RNF130: variants seen among roughly 807,000 people sequenced by gnomAD.
RNF130 encodes the protein E3 ubiquitin-protein ligase RNF130.
A neutral mutation model predicts 44.6 loss-of-function variants in RNF130; 21 were observed. That is an observed-to-expected ratio of 0.47 (90% CI 0.33 to 0.68). The LOEUF (loss-of-function observed/expected upper bound fraction) is 0.68, where lower values mean the gene tolerates loss of function less well. Ranked by LOEUF, RNF130 falls within the 30% of genes least tolerant of loss-of-function variation. RNF130 has a pLI of 0.02. For missense variants in RNF130, 479 were observed against 560.6 expected, an observed-to-expected ratio of 0.85 and a Z score of 1.47; for synonymous variants, 214 against 210.4, an observed-to-expected ratio of 1.02 and a Z score of -0.15.
At chr5:179,999,166 T>C (rs2113053609) in intron 3 of RNF130, among the ~76,000 whole-genome samples, 1 of 151,490 alleles carries the variant, frequency 6.6e-6, no homozygotes, top group South Asian at 2.1e-4. Flanking sequence ...GGATTACAGG[T>C]GTGTATCACC....
intron 3 of RNF130, among the ~76,000 whole-genome samples, chr5:180,007,184 T>C (rs1239967851): frequency 4.6e-5 from 7 of 152,096 alleles, no homozygotes; most frequent in Non-Finnish European, 8.8e-5. Flanking sequence ...GAGGATCACA[T>C]GAGGTAAGGA....
At chr5:179,918,785 C>T (rs1283879346) in exon 8 of RNF130, 3 of 152,186 alleles carry the variant, frequency 2.0e-5, no homozygotes, top group African/African-American at 4.8e-5. Context: ...AACGAAATGC[C>T]GCTGCCCGCT....
intron 3 of RNF130, among the ~76,000 whole-genome samples, chr5:179,992,546 C>T (rs1763109196): frequency 1.3e-5 from 2 of 152,170 alleles, no homozygotes; most frequent in African/African-American, 2.4e-5. Flanking sequence ...TCTTACTTGA[C>T]ATTTTGAGGA....
At chr5:179,983,306 T>G (rs1370048801) in intron 3 of RNF130, among the ~76,000 whole-genome samples, 1 of 152,044 alleles carries the variant, frequency 6.6e-6, no homozygotes, top group African/African-American at 2.4e-5. Flanking sequence ...CTGACTCATT[T>G]TGTGTATTCT....
At chr5:179,928,001 G>A (rs1167409663) in intron 7 of RNF130, among the ~76,000 whole-genome samples, 2 of 152,030 alleles carry the variant, frequency 1.3e-5, no homozygotes, top group East Asian at 1.9e-4. Context: ...ACATCCATCC[G>A]CCTCAGGGAA....
intron 3 of RNF130, among the ~76,000 whole-genome samples, chr5:179,988,481 G>A (rs2113024820): frequency 6.6e-6 from 1 of 152,252 alleles, no homozygotes; most frequent in South Asian, 2.1e-4. Context: ...TCCTTGAGGT[G>A]CATAACTGGG....
intron 1 of RNF130, among the ~76,000 whole-genome samples, chr5:180,051,625 C>T (rs1225161432): frequency 6.6e-6 from 1 of 152,178 alleles, no homozygotes; most frequent in Non-Finnish European, 1.5e-5. Context: ...CAGGAATGTC[C>T]TAACAGTGGA....
At chr5:180,067,964 T>G (rs559649343) in intron 1 of RNF130, among the ~76,000 whole-genome samples, 33 of 152,352 alleles carry the variant, frequency 2.2e-4, no homozygotes, top group Admixed American at 1.4e-3. Flanking sequence ...CATGAAAACC[T>G]AAGATTCACT....
intron 7 of RNF130, among the ~76,000 whole-genome samples, chr5:179,927,081 C>T (rs1761718067): frequency 6.6e-6 from 1 of 152,136 alleles, no homozygotes; most frequent in Non-Finnish European, 1.5e-5. Context: ...TGGAAATGAC[C>T]GAATCTTTTT....
intron 7 of RNF130, 34 bp downstream of exon 7, chr5:179,966,772 C>T: frequency 1.3e-6 from 2 of 1,590,664 alleles, no homozygotes; most frequent in South Asian, 2.3e-5. Context: ...TAGGCAGCCA[C>T]ATGCCCTGTG....
At chr5:180,046,605 G>T (rs572390373) in intron 1 of RNF130, among the ~76,000 whole-genome samples, 2 of 152,294 alleles carry the variant, frequency 1.3e-5, no homozygotes, top group East Asian at 3.9e-4. Flanking sequence ...ACAGGCGGCC[G>T]CACAGCACAG....
At chr5:179,989,734 T>C (rs1016838675) in intron 3 of RNF130, among the ~76,000 whole-genome samples, 14 of 152,208 alleles carry the variant, frequency 9.2e-5, no homozygotes, top group African/African-American at 2.7e-4. Flanking sequence ...AAGGTTAACA[T>C]TGATATATGA....
At chr5:180,064,852 C>A (rs1318720198) in intron 1 of RNF130, among the ~76,000 whole-genome samples, 10 of 152,140 alleles carry the variant, frequency 6.6e-5, no homozygotes, top group Admixed American at 4.6e-4. Flanking sequence ...AACCACAAAA[C>A]CAGTAAGAGC....
chr5:180,027,761 T>C (rs542831938), intron 2 of RNF130, among the ~76,000 whole-genome samples: 9 of 152,310 alleles, frequency 5.9e-5, no homozygotes, highest in Admixed American at 2.6e-4. Flanking sequence ...CACCCAATGC[T>C]TCCTGCTGGT....
At chr5:180,054,655 T>C (rs1764765342) in intron 1 of RNF130, among the ~76,000 whole-genome samples, 1 of 152,234 alleles carries the variant, frequency 6.6e-6, no homozygotes. Flanking sequence ...AATTGAGAAA[T>C]GTGAATTCTC....
Position 179,966,838 on chromosome 5 carries a change from G to C in RNF130, c.1118C>G (p.Pro373Arg), listed in dbSNP as rs539297895. Residue 373 changes from proline (P) to arginine (R), a missense_variant, in exon 7 of 9, where the codon CCG (proline) becomes CGG (arginine). Coordinates refer to ENST00000521389, the MANE Select transcript of RNF130 (RefSeq NM_018434.6). ...SPLPQDGELT[P>R]RTGEINIAVT... is the part of the protein sequence containing the mutation. Reference sequence around the variant, plus strand: ...TGCAATGTTGATTTCTCCTGTTCTCGGAGTGAGCTCCCCATCCTGAGGAAG... The same window carrying C: ...TGCAATGTTGATTTCTCCTGTTCTCCGAGTGAGCTCCCCATCCTGAGGAAG... 8 of 1,614,112 alleles carry C rather than the reference G, an allele frequency of 5.0e-6. No individual in the cohort carries two copies. The highest frequency in any genetic ancestry group is 6.8e-6 in the Non-Finnish European group (8 of 1,180,008).
intron 3 of RNF130, among the ~76,000 whole-genome samples, chr5:179,993,274 T>C (rs1199721365): frequency 6.6e-6 from 1 of 152,232 alleles, no homozygotes. Context: ...GTATTTCTAG[T>C]TCTAGATCCT....
intron 3 of RNF130, among the ~76,000 whole-genome samples, chr5:179,992,744 C>T (rs1446990339): frequency 2.0e-5 from 3 of 152,006 alleles, no homozygotes; most frequent in African/African-American, 7.3e-5. Flanking sequence ...TATTATTATA[C>T]TTTAAGTTCT....
At chr5:179,987,162 T>C (rs79458933) in intron 3 of RNF130, among the ~76,000 whole-genome samples, 1 of 149,776 alleles carries the variant, frequency 6.7e-6, no homozygotes, top group Non-Finnish European at 1.5e-5. Flanking sequence ...TTCCTTCCTT[T>C]CTTTCTTCTA....
Sources: allele counts gnomAD v4.1 joint callset (sites outside exome capture counted in the v4.1 genomes callset), GRCh38; gene constraint gnomAD v4.1.1; transcripts MANE v1.5; gene names NCBI Gene and HGNC (gene_info 2026-07-23, HGNC 2026-07-21).